The following TEAD1 variants were observed in gnomAD, a reference collection of about 807,000 sequenced individuals.
The protein encoded by TEAD1 is transcriptional enhancer factor TEF-1.
Under a neutral mutation model 54.9 loss-of-function variants are expected in TEAD1, and 9 were observed. The observed-to-expected ratio is 0.16, with a 90% CI of 0.10 to 0.29. The LOEUF (loss-of-function observed/expected upper bound fraction) is 0.29, where lower values mean the gene tolerates loss of function less well. TEAD1 is among the 10% of genes least tolerant of loss of function. The pLI is 1.00. For synonymous variants in TEAD1, 200 were observed against 187.8 expected, an observed-to-expected ratio of 1.07 and a Z score of -0.53; for missense variants, 387 against 535.9, an observed-to-expected ratio of 0.72 and a Z score of 2.74.
intron 3 of TEAD1, among the ~76,000 whole-genome samples, chr11:12,772,126 T>G (rs1945324860): frequency 6.6e-6 from 1 of 152,182 alleles, no homozygotes; most frequent in Non-Finnish European, 1.5e-5. Flanking sequence ...TGAAGCAGTC[T>G]TTATGAGGTT....
intron 3 of TEAD1, among the ~76,000 whole-genome samples, chr11:12,799,999 G>A (rs1345529719): frequency 2.0e-5 from 3 of 152,114 alleles, no homozygotes; most frequent in African/African-American, 7.2e-5. Context: ...ATTTTGCAAG[G>A]CTTTTCTTGA....
chr11:12,777,562 C>T (rs1169052830), intron 3 of TEAD1, among the ~76,000 whole-genome samples: 1 of 152,128 alleles, frequency 6.6e-6, no homozygotes, highest in Non-Finnish European at 1.5e-5. Flanking sequence ...CTGATAAGGA[C>T]ATTTGTACCT....
intron 10 of TEAD1, chr11:12,922,682 A>T (rs1288796676): frequency 6.6e-6 from 1 of 152,136 alleles, no homozygotes; most frequent in East Asian, 1.9e-4. Flanking sequence ...TAATCTCAGC[A>T]CTTAGAGTGG....
chr11:12,716,988 G>A (rs1159948262), intron 2 of TEAD1, among the ~76,000 whole-genome samples: 2 of 152,204 alleles, frequency 1.3e-5, no homozygotes, highest in African/African-American at 4.8e-5. Flanking sequence ...CCGAAGTAGT[G>A]GGCTTGGCCT....
intron 3 of TEAD1, among the ~76,000 whole-genome samples, chr11:12,772,269 G>T (rs1564934327): frequency 6.6e-6 from 1 of 152,206 alleles, no homozygotes; most frequent in African/African-American, 2.4e-5. Flanking sequence ...ATCCTGAAGG[G>T]CAGAACAAAT....
At chr11:12,740,728 G>A (rs1168879448) in intron 2 of TEAD1, among the ~76,000 whole-genome samples, 4 of 152,206 alleles carry the variant, frequency 2.6e-5, no homozygotes. Flanking sequence ...ACTGCCCCCT[G>A]CCCCGTGATT....
intron 9 of TEAD1, among the ~76,000 whole-genome samples, chr11:12,891,336 C>T (rs1007373311): frequency 6.6e-6 from 1 of 152,240 alleles, no homozygotes; most frequent in Admixed American, 6.5e-5. Context: ...AACACGATGG[C>T]TGCATCAGGT....
At chr11:12,847,000 A>G (rs1590208077) in intron 3 of TEAD1, among the ~76,000 whole-genome samples, 1 of 152,160 alleles carries the variant, frequency 6.6e-6, no homozygotes, top group Non-Finnish European at 1.5e-5. Flanking sequence ...TAAGCATCCA[A>G]CACGACTGTG....
intron 3 of TEAD1, among the ~76,000 whole-genome samples, chr11:12,810,049 T>C (rs942654275): frequency 6.7e-6 from 1 of 149,296 alleles, no homozygotes; most frequent in African/African-American, 2.5e-5. Flanking sequence ...TGTGCAATCT[T>C]AGCTCACTGC....
intron 3 of TEAD1, among the ~76,000 whole-genome samples, chr11:12,821,235 C>G (rs1481802104): frequency 6.6e-6 from 1 of 152,156 alleles, no homozygotes; most frequent in Non-Finnish European, 1.5e-5. Flanking sequence ...TTAGTAGCAC[C>G]TGATTCTTTT....
chr11:12,702,647 T>C (rs889150639), intron 2 of TEAD1, among the ~76,000 whole-genome samples: 1 of 152,142 alleles, frequency 6.6e-6, no homozygotes, highest in East Asian at 1.9e-4. Context: ...GTGAAACATT[T>C]CCCTTTCCCT....
intron 3 of TEAD1, among the ~76,000 whole-genome samples, chr11:12,770,285 C>T (rs1945288629): frequency 6.6e-6 from 1 of 151,996 alleles, no homozygotes; most frequent in African/African-American, 2.4e-5. Flanking sequence ...ATGTGCAATC[C>T]GGGTACAAAG....
chr11:12,874,887 C>G (rs999360266), intron 5 of TEAD1, among the ~76,000 whole-genome samples: 1 of 152,120 alleles, frequency 6.6e-6, no homozygotes, highest in Non-Finnish European at 1.5e-5. Context: ...TTTTTATGTC[C>G]TCATTCTTTG....
At chr11:12,932,608 G>A (rs1292725953) in intron 12 of TEAD1, among the ~76,000 whole-genome samples, 1 of 152,094 alleles carries the variant, frequency 6.6e-6, no homozygotes, top group Non-Finnish European at 1.5e-5. Context: ...TGTGAAGGGC[G>A]GACCACGTGT....
intron 2 of TEAD1, among the ~76,000 whole-genome samples, chr11:12,760,614 T>G (rs1945080673): frequency 6.6e-6 from 1 of 152,218 alleles, no homozygotes; most frequent in African/African-American, 2.4e-5. Flanking sequence ...TGTGCATAAT[T>G]CACTCATTTA....
At chr11:12,805,711 G>A (rs919258636) in intron 3 of TEAD1, among the ~76,000 whole-genome samples, 1 of 152,172 alleles carries the variant, frequency 6.6e-6, no homozygotes, top group Non-Finnish European at 1.5e-5. Context: ...TAGAAATTGT[G>A]TCTGTGTCTA....
rs998543759 is a variant in TEAD1 at position 12,675,518 on chromosome 11, A to C, written c.-98A>C. 1.3e-5 allele frequency: 2 copies of C among 152,228 alleles called. No homozygotes were observed. The highest frequency in any genetic ancestry group is 4.8e-5 in the African/African-American group (2 of 41,434). The allele number at this position is 152,228 out of a possible 1,614,324, so 9.4% of individuals were successfully genotyped here. A position where few individuals can be genotyped will look rare whatever the true frequency, so the allele number is the denominator to read the frequency against. On this transcript the variant is annotated 5_prime_UTR_variant, in exon 2 of 13. Transcript: ENST00000527636. ...AAAGACTGAGTCGCAGTTACCACCA[A>C]ACCCAGGAGGAGACTCTCCCTGGAA...
chr11:12,730,694 C>T (rs199633429), intron 2 of TEAD1, among the ~76,000 whole-genome samples: 11 of 65,664 alleles, frequency 1.7e-4, no homozygotes, highest in East Asian at 9.9e-4. Context: ...CTACATAGCT[C>T]TTTTTTTTTT....
intron 10 of TEAD1, among the ~76,000 whole-genome samples, chr11:12,918,795 A>G (rs764381904): frequency 5.9e-5 from 9 of 152,214 alleles, no homozygotes; most frequent in East Asian, 1.9e-4. Context: ...ATTCAATGGA[A>G]TATTCTACAG....
Sources: allele counts gnomAD v4.1 joint callset (sites outside exome capture counted in the v4.1 genomes callset), GRCh38; gene constraint gnomAD v4.1.1; transcripts MANE v1.5; gene names NCBI Gene and HGNC (gene_info 2026-07-23, HGNC 2026-07-21).